Variants in MTUS2 observed in about 807,000 individuals in gnomAD.
The protein encoded by MTUS2 is microtubule associated scaffold protein 2, also known as microtubule-associated tumor suppressor candidate 2.
In MTUS2, 40 loss-of-function variants were observed where a neutral mutation model predicts 114.1. The ratio of observed to expected loss-of-function variants is 0.35; its 90% CI spans 0.27 to 0.46. MTUS2 has a LOEUF of 0.46. Among genes scored for constraint, MTUS2 ranks in the 20% least tolerant of loss-of-function variants. MTUS2 has a pLI of 1.00. For synonymous variants in MTUS2, 688 were observed against 672.0 expected (o/e 1.02, Z -0.37); for missense variants, 1,679 against 1,705.4 (o/e 0.98, Z 0.27).
At chr13:29,488,852 AT>A (rs1437464933) in intron 11 of MTUS2, among the ~76,000 whole-genome samples, 1 of 152,210 alleles carries the variant, frequency 6.6e-6, no homozygotes, top group East Asian at 1.9e-4. Flanking sequence ...TAACAGCATC[AT>A]TACTAAGTTC....
chr13:28,970,422 A>T (rs191951816), intron 2 of MTUS2, among the ~76,000 whole-genome samples: 2 of 152,342 alleles, frequency 1.3e-5, no homozygotes, highest in East Asian at 3.9e-4. Context: ...TGTGAATAAA[A>T]TCTCACTGGA....
rs764720587 is a variant in MTUS2 at position 29,384,274 on chromosome 13, G to A, written c.3117+24801G>A. ...CTTATCCAAGCCCAGGGGAAATCCC[G>A]TGTCCATTAGATTTCTGATATCATC... On this transcript the variant is annotated intron_variant, in intron 8 of 15. Transcript: ENST00000612955. Among the ~76,000 whole-genome samples the A allele has an allele frequency of 8.5e-5, 13 of 152,284 alleles. No individual in the cohort carries two copies. The East Asian group carries it at 9.6e-4, about 11-fold the overall frequency.
intron 5 of MTUS2, among the ~76,000 whole-genome samples, chr13:29,193,645 TATC>T (rs1217241064): frequency 2.0e-5 from 3 of 152,056 alleles, no homozygotes; most frequent in Non-Finnish European, 2.9e-5. Context: ...GAAGAATCAA[TATC>T]GTGAAAATGG....
chr13:29,474,758 T>C (rs1380850814), intron 9 of MTUS2, among the ~76,000 whole-genome samples: 1 of 152,236 alleles, frequency 6.6e-6, no homozygotes, highest in South Asian at 2.1e-4. Flanking sequence ...AGGCAAATTA[T>C]GCTATAGTGG....
intron 9 of MTUS2, among the ~76,000 whole-genome samples, chr13:29,457,589 A>G (rs1204510068): frequency 6.6e-6 from 1 of 152,136 alleles, no homozygotes; most frequent in Non-Finnish European, 1.5e-5. Flanking sequence ...TATTATAAAT[A>G]AGGCTGTTAT....
At chr13:29,200,915 C>T (rs955129380) in intron 5 of MTUS2, among the ~76,000 whole-genome samples, 47 of 152,168 alleles carry the variant, frequency 3.1e-4, no homozygotes, top group East Asian at 1.7e-3. Context: ...TTCTGAGGAG[C>T]GTTTTACTTC....
Position 29,497,439 on chromosome 13 carries a change from A to T in MTUS2, c.3678+103A>T, listed in dbSNP as rs571919961. On this transcript the variant is annotated intron_variant, in intron 13 of 15. Coordinates refer to ENST00000612955, the MANE Select transcript of MTUS2 (RefSeq NM_001033602.4). ...GTCCCAAGACAAGGCCTCTCTGTGA[A>T]TCCGCTGCTGAAGTGACAGCTGGTC... The T allele has an allele frequency of 5.6e-5, 55 of 973,548 alleles. No individual in the cohort carries two copies. In the South Asian group the frequency reaches 7.6e-4, roughly 13 times the overall value. 60.3% of individuals were successfully genotyped at this position (973,548 alleles called of 1,614,324 possible).
At chr13:29,363,283 T>G (rs2138250369) in intron 8 of MTUS2, among the ~76,000 whole-genome samples, 1 of 152,350 alleles carries the variant, frequency 6.6e-6, no homozygotes, top group South Asian at 2.1e-4. Flanking sequence ...TGGATTTTCA[T>G]GTTACTTTTA....
chr13:29,499,739 C>G (rs779396844), intron 14 of MTUS2, among the ~76,000 whole-genome samples: 11 of 152,256 alleles, frequency 7.2e-5, no homozygotes, highest in Non-Finnish European at 1.5e-4. Flanking sequence ...TCCCTTGCAT[C>G]TGTATAACCA....
chr13:29,051,356 A>G (rs1330023889), intron 4 of MTUS2, among the ~76,000 whole-genome samples: 1 of 152,186 alleles, frequency 6.6e-6, no homozygotes, highest in Non-Finnish European at 1.5e-5. Flanking sequence ...TAACCAGGTC[A>G]ACTAGGGAGG....
chr13:29,019,165 C>CA (rs1002372711), intron 2 of MTUS2, among the ~76,000 whole-genome samples: 2 of 152,108 alleles, frequency 1.3e-5, no homozygotes, highest in Admixed American at 6.6e-5. Flanking sequence ...TCATGATTGA[C>CA]AGAGTTTCTT....
At chr13:29,120,490 C>G (rs1891263961) in intron 5 of MTUS2, among the ~76,000 whole-genome samples, 1 of 151,936 alleles carries the variant, frequency 6.6e-6, no homozygotes, top group Non-Finnish European at 1.5e-5. Context: ...AGATTACTTT[C>G]TATTTTCATG....
intron 8 of MTUS2, among the ~76,000 whole-genome samples, chr13:29,395,663 A>C (rs1415075416): frequency 1.3e-5 from 2 of 152,228 alleles, no homozygotes; most frequent in East Asian, 3.8e-4. Context: ...ATCCATATTT[A>C]TAATCAGTCC....
chr13:29,034,263 G>C (rs1886963780), intron 4 of MTUS2, 138 bp downstream of exon 4: 2 of 1,130,840 alleles, frequency 1.8e-6, no homozygotes, highest in South Asian at 3.1e-5. Context: ...TATGTCTGTA[G>C]ATGCAGACAT....
intron 4 of MTUS2, among the ~76,000 whole-genome samples, chr13:29,100,442 C>T (rs933769376): frequency 3.9e-5 from 6 of 152,164 alleles, no homozygotes; most frequent in African/African-American, 1.2e-4. Context: ...AATAACTATT[C>T]GCTTTCACTC....
intron 5 of MTUS2, among the ~76,000 whole-genome samples, chr13:29,125,875 G>A (rs571860969): frequency 6.6e-6 from 1 of 152,306 alleles, no homozygotes; most frequent in Admixed American, 6.5e-5. Context: ...TTCTGTTTGA[G>A]GCATCCCCTT....
chr13:29,155,638 A>G (rs908442836), intron 5 of MTUS2, among the ~76,000 whole-genome samples: 2 of 152,194 alleles, frequency 1.3e-5, no homozygotes, highest in African/African-American at 2.4e-5. Flanking sequence ...AAGATTGTGG[A>G]AAATGTATGA....
At position 29,362,345 on chromosome 13, in the gene MTUS2, C is replaced by CT. The variant is rs1870332119; in HGVS notation, c.3117+2873dup. On this transcript the variant is annotated intron_variant, in intron 8 of 15. Transcript: ENST00000612955. ...CATTCTTTTCTGAGTACAAAGAAAT[C>CT]TGTCAGGATCTACCTCAAGGATTTT... Among the ~76,000 whole-genome samples the CT allele has an allele frequency of 5.9e-5, 9 of 152,250 alleles. No homozygotes were observed. In the South Asian group the frequency reaches 1.9e-3, roughly 32 times the overall value.
Position 29,186,298 on chromosome 13 carries a change from T to A in MTUS2, c.2644+85328T>A, listed in dbSNP as rs1418443355. On this transcript the variant is annotated intron_variant, in intron 5 of 15. Transcript: ENST00000612955. ...ATATCAATAATCATTAAATGTAAATTAATTAAACAGTCCAATTAAAAAGGA... is the reference window on the plus strand; with the variant it reads ...ATATCAATAATCATTAAATGTAAATAAATTAAACAGTCCAATTAAAAAGGA... Among the ~76,000 whole-genome samples, 6 of 152,190 alleles carry A rather than the reference T, an allele frequency of 3.9e-5. 1 individual carries two copies. In the East Asian group the frequency reaches 1.2e-3, roughly 29 times the overall value.
Sources: allele counts gnomAD v4.1 joint callset (sites outside exome capture counted in the v4.1 genomes callset), GRCh38; gene constraint gnomAD v4.1.1; transcripts MANE v1.5; gene names NCBI Gene and HGNC (gene_info 2026-07-23, HGNC 2026-07-21).